UVRAG: variants seen among roughly 807,000 people sequenced by gnomAD.
UVRAG encodes the protein UV radiation resistance associated.
UVRAG carries 19 observed loss-of-function variants against 78.0 expected under a neutral mutation model. The observed-to-expected ratio is 0.24, with a 90% CI of 0.17 to 0.36. The LOEUF (loss-of-function observed/expected upper bound fraction) is 0.36. Ranked by LOEUF, UVRAG falls within the 10% of genes least tolerant of loss-of-function variation. The probability of loss-of-function intolerance (pLI) is 1.00; values close to 1 mark genes in which losing one functional copy is unlikely to be tolerated. For synonymous variants in UVRAG, 323 were observed against 324.6 expected (o/e 1.00, Z 0.05); for missense variants, 740 against 853.8 (o/e 0.87, Z 1.66).
intron 5 of UVRAG, among the ~76,000 whole-genome samples, chr11:75,895,031 C>T (rs1390272344): frequency 6.6e-6 from 1 of 152,060 alleles, no homozygotes; most frequent in African/African-American, 2.4e-5. Flanking sequence ...TCGTTTAAAA[C>T]TTTAAAAATG....
chr11:76,027,533 T>C (rs896302224), intron 12 of UVRAG, among the ~76,000 whole-genome samples: 1 of 152,138 alleles, frequency 6.6e-6, no homozygotes, highest in African/African-American at 2.4e-5. Flanking sequence ...GGCTTCTCTC[T>C]TATTGCTGAG....
At chr11:75,918,333 G>T (rs1315306273) in intron 6 of UVRAG, among the ~76,000 whole-genome samples, 3 of 150,624 alleles carry the variant, frequency 2.0e-5, no homozygotes, top group Non-Finnish European at 3.0e-5. Context: ...AGCCGAGATC[G>T]CGCCGCTGCT....
chr11:75,999,695 T>A (rs1413687869), intron 8 of UVRAG, among the ~76,000 whole-genome samples: 1 of 152,140 alleles, frequency 6.6e-6, no homozygotes, highest in African/African-American at 2.4e-5. Flanking sequence ...TTAGTTTTTT[T>A]ATGCTCTACA....
intron 6 of UVRAG, among the ~76,000 whole-genome samples, chr11:75,929,948 C>T (rs1399296229): frequency 6.6e-6 from 1 of 152,190 alleles, no homozygotes; most frequent in Non-Finnish European, 1.5e-5. Flanking sequence ...TCACTTCGTT[C>T]CTGTACCCAT....
At chr11:75,986,972 A>T (rs1407521601) in intron 8 of UVRAG, among the ~76,000 whole-genome samples, 1 of 152,204 alleles carries the variant, frequency 6.6e-6, no homozygotes. Flanking sequence ...ATTCAGTTAT[A>T]TGGATATGTC....
intron 5 of UVRAG, among the ~76,000 whole-genome samples, chr11:75,895,626 A>C (rs1191084577): frequency 2.1e-5 from 3 of 145,944 alleles, no homozygotes. Context: ...CAAATGTGGC[A>C]CTCTGTTTTT....
intron 13 of UVRAG, among the ~76,000 whole-genome samples, chr11:76,070,467 C>T (rs78491111): frequency 0.011 from 1,702 of 152,138 alleles, 33 homozygotes; most frequent in African/African-American, 0.039. Context: ...TTATCACACA[C>T]ACCCATGAAT....
chr11:75,885,357 T>C (rs1355043961), intron 4 of UVRAG, among the ~76,000 whole-genome samples: 1 of 152,100 alleles, frequency 6.6e-6, no homozygotes, highest in East Asian at 1.9e-4. Context: ...CAACAACAAT[T>C]GTATACCTCT....
intron 6 of UVRAG, among the ~76,000 whole-genome samples, chr11:75,936,749 TA>T (rs1465414376): frequency 6.6e-6 from 1 of 152,130 alleles, no homozygotes; most frequent in African/African-American, 2.4e-5. Context: ...ATAATAATAA[TA>T]AAAAAACCCA....
chr11:75,885,504 G>A (rs760185485), intron 4 of UVRAG, among the ~76,000 whole-genome samples: 2 of 152,070 alleles, frequency 1.3e-5, no homozygotes, highest in African/African-American at 4.8e-5. Context: ...CAAAGATCGC[G>A]CAGTGTTTGG....
chr11:75,968,718 T>C (rs899752135), intron 7 of UVRAG, among the ~76,000 whole-genome samples: 1 of 152,208 alleles, frequency 6.6e-6, no homozygotes, highest in Non-Finnish European at 1.5e-5. Flanking sequence ...ATATTTGCTT[T>C]TCTTTTTCTG....
chr11:75,878,871 C>A (rs1946873743), intron 3 of UVRAG, among the ~76,000 whole-genome samples: 1 of 123,044 alleles, frequency 8.1e-6, no homozygotes, highest in South Asian at 2.8e-4. Context: ...GAGAGAGAGA[C>A]CGTGGGGAGA....
chr11:76,072,128 C>T (rs1417883231), intron 13 of UVRAG, among the ~76,000 whole-genome samples: 2 of 152,080 alleles, frequency 1.3e-5, no homozygotes, highest in East Asian at 3.9e-4. Flanking sequence ...AATACAGACA[C>T]ACACGTACAG....
At chr11:75,928,302 G>A (rs966573015) in intron 6 of UVRAG, among the ~76,000 whole-genome samples, 6 of 152,138 alleles carry the variant, frequency 3.9e-5, no homozygotes, top group Non-Finnish European at 7.4e-5. Flanking sequence ...GAAGAATGGC[G>A]TCTATCCCTT....
At chr11:75,907,422 G>C (rs913725830) in intron 5 of UVRAG, among the ~76,000 whole-genome samples, 4 of 151,280 alleles carry the variant, frequency 2.6e-5, no homozygotes, top group Non-Finnish European at 5.9e-5. Context: ...TTTAAATCAT[G>C]GAAAGGTGCT....
chr11:75,998,741 C>A (rs1467954398), intron 8 of UVRAG, among the ~76,000 whole-genome samples: 1 of 152,124 alleles, frequency 6.6e-6, no homozygotes, highest in Non-Finnish European at 1.5e-5. Flanking sequence ...CGTTAATGAC[C>A]AAGTGTAGAC....
At chr11:76,123,720 G>C (rs1052370594) in intron 14 of UVRAG, among the ~76,000 whole-genome samples, 1 of 152,052 alleles carries the variant, frequency 6.6e-6, no homozygotes, top group Non-Finnish European at 1.5e-5. Context: ...CAGTTTCAAC[G>C]CTATCACTTA....
chr11:75,989,807 G>A (rs1281063426), intron 8 of UVRAG, among the ~76,000 whole-genome samples: 1 of 152,216 alleles, frequency 6.6e-6, no homozygotes, highest in Non-Finnish European at 1.5e-5. Flanking sequence ...GCCCTTTCAG[G>A]GCAGGGACTT....
intron 7 of UVRAG, among the ~76,000 whole-genome samples, chr11:75,978,893 G>A (rs77936783): frequency 9.2e-5 from 14 of 152,248 alleles, no homozygotes; most frequent in African/African-American, 2.2e-4. Context: ...GTCTTTCTCC[G>A]TCTAGCTTTG....
Sources: allele counts gnomAD v4.1 joint callset (sites outside exome capture counted in the v4.1 genomes callset), GRCh38; gene constraint gnomAD v4.1.1; transcripts MANE v1.5; gene names NCBI Gene and HGNC (gene_info 2026-07-23, HGNC 2026-07-21).